Variants in SPATA17 observed in about 807,000 individuals in gnomAD.
SPATA17 encodes spermatogenesis-associated protein 17.
A neutral mutation model predicts 62.2 loss-of-function variants in SPATA17; 53 were observed. The observed-to-expected ratio is 0.85, with a 90% CI of 0.68 to 1.07. The LOEUF (loss-of-function observed/expected upper bound fraction) is 1.07. Among genes scored for constraint, SPATA17 ranks in the 50% least tolerant of loss-of-function variants. The pLI is 0.00. For missense variants in SPATA17, 466 were observed against 425.5 expected (o/e 1.10, Z -0.84); for synonymous variants, 146 against 146.8 (o/e 0.99, Z 0.04).
chr1:217,672,903 T>A (rs1027637495), intron 4 of SPATA17, among the ~76,000 whole-genome samples: 1 of 152,154 alleles, frequency 6.6e-6, no homozygotes, highest in Non-Finnish European at 1.5e-5. Context: ...ATAAGTCTCA[T>A]GCGGCCCAGA....
At chr1:217,654,913 G>T (rs1445359014) in intron 3 of SPATA17, among the ~76,000 whole-genome samples, 1 of 151,824 alleles carries the variant, frequency 6.6e-6, no homozygotes, top group Admixed American at 6.6e-5. Context: ...GGGTTTTGCC[G>T]TGTTAGCCAG....
At chr1:217,804,884 G>T (rs1674396888) in intron 9 of SPATA17, among the ~76,000 whole-genome samples, 1 of 152,040 alleles carries the variant, frequency 6.6e-6, no homozygotes, top group Non-Finnish European at 1.5e-5. Context: ...AAAGACAAAA[G>T]ATAATGTATT....
intron 6 of SPATA17, among the ~76,000 whole-genome samples, chr1:217,773,100 T>A (rs1351088083): frequency 1.3e-5 from 2 of 152,180 alleles, no homozygotes; most frequent in African/African-American, 4.8e-5. Flanking sequence ...GGACGTTGAC[T>A]CCAGCCTGGG....
chr1:217,824,776 T>TG (rs1347418525), intron 9 of SPATA17, among the ~76,000 whole-genome samples: 2 of 151,016 alleles, frequency 1.3e-5, no homozygotes, highest in African/African-American at 4.8e-5. Context: ...TTCATACCTA[T>TG]GTGATTGGTA....
At chr1:217,714,381 C>G (rs1397758806) in intron 5 of SPATA17, among the ~76,000 whole-genome samples, 1 of 151,698 alleles carries the variant, frequency 6.6e-6, no homozygotes, top group Non-Finnish European at 1.5e-5. Context: ...AAGAGTGAAA[C>G]TCCATCTCAG....
In SPATA17 at chr1:217,810,824, AC is replaced by A. The variant is rs371377762; in HGVS notation, c.1005+8975del. Among the ~76,000 whole-genome samples the A allele has an allele frequency of 8.4e-4, 128 of 151,998 alleles. 4 individuals are homozygous for A. The East Asian group carries it at 8.9e-3, about 11-fold the overall frequency. ...AGAGTGCAAGGGGGAACTGCCAAAC[AC>A]TTTTTTAAAACAATCAGATCTCATG... On this transcript the variant is annotated intron_variant, in intron 9 of 10. Transcript: ENST00000366933.
At chr1:217,766,322 C>T (rs1009371355) in intron 6 of SPATA17, among the ~76,000 whole-genome samples, 3 of 151,908 alleles carry the variant, frequency 2.0e-5, no homozygotes, top group Non-Finnish European at 2.9e-5. Flanking sequence ...ATTTCCTCTA[C>T]TTTCTTAGTA....
chr1:217,819,999 C>T (rs1384502305), intron 9 of SPATA17, among the ~76,000 whole-genome samples: 2 of 151,920 alleles, frequency 1.3e-5, no homozygotes, highest in Non-Finnish European at 2.9e-5. Context: ...GGTCATATAT[C>T]GATAAGACTG....
At chr1:217,808,120 A>G (rs1005824370) in intron 9 of SPATA17, among the ~76,000 whole-genome samples, 11 of 152,306 alleles carry the variant, frequency 7.2e-5, no homozygotes, top group Non-Finnish European at 1.5e-4. Flanking sequence ...GCCTTCCAAA[A>G]AGCAGGAAAA....
At chr1:217,654,321 G>A (rs1239858286) in intron 3 of SPATA17, among the ~76,000 whole-genome samples, 1 of 151,306 alleles carries the variant, frequency 6.6e-6, no homozygotes, top group Non-Finnish European at 1.5e-5. Flanking sequence ...TGTGTTTTTG[G>A]TATAGACAGG....
intron 4 of SPATA17, among the ~76,000 whole-genome samples, chr1:217,680,411 C>G (rs551344005): frequency 1.3e-5 from 2 of 152,076 alleles, no homozygotes. Context: ...ATTGATTCTT[C>G]TTTTTCATTA....
intron 5 of SPATA17, among the ~76,000 whole-genome samples, chr1:217,686,263 CT>C (rs1256425788): frequency 9.9e-5 from 15 of 152,060 alleles, no homozygotes; most frequent in African/African-American, 3.4e-4. Flanking sequence ...GACCCAGAGC[CT>C]TTTGGGGAAG....
intron 9 of SPATA17, among the ~76,000 whole-genome samples, chr1:217,849,646 C>A (rs1571842447): frequency 1.3e-5 from 2 of 152,118 alleles, no homozygotes; most frequent in African/African-American, 4.8e-5. Flanking sequence ...AAACCTTTCA[C>A]TTAATTTTCA....
chr1:217,805,113 A>G (rs1674400327), intron 9 of SPATA17, among the ~76,000 whole-genome samples: 2 of 152,226 alleles, frequency 1.3e-5, no homozygotes. Context: ...AAAATCGCCA[A>G]GATATGGAAT....
chr1:217,794,131 A>G (rs974949975), intron 8 of SPATA17, among the ~76,000 whole-genome samples: 12 of 151,144 alleles, frequency 7.9e-5, no homozygotes, highest in South Asian at 4.2e-4. Flanking sequence ...AAAAAAAAAA[A>G]GAAAGAAAGA....
chr1:217,750,516 A>G lies in SPATA17; in HGVS notation c.519+8418A>G, dbSNP rs114686788. On this transcript the variant is annotated intron_variant, in intron 6 of 10. Transcript: ENST00000366933. ...TTAGAGTCACTGCTATTTAGTATCAATTATTAACATAGCATTCTCCAAAAC... is the reference window on the plus strand; with the variant it reads ...TTAGAGTCACTGCTATTTAGTATCAGTTATTAACATAGCATTCTCCAAAAC... Among the ~76,000 whole-genome samples the G allele has an allele frequency of 8.4e-3, 1,284 of 152,314 alleles. 6 individuals are homozygous for G. The highest frequency in any genetic ancestry group is 0.014 in the Admixed American group (207 of 15,300).
intron 3 of SPATA17, among the ~76,000 whole-genome samples, chr1:217,666,052 G>T (rs1413824660): frequency 3.3e-5 from 5 of 151,850 alleles, no homozygotes; most frequent in Non-Finnish European, 5.9e-5. Context: ...AATATTTGGT[G>T]AACATCTAAA....
intron 8 of SPATA17, among the ~76,000 whole-genome samples, chr1:217,797,212 C>T (rs1674170770): frequency 6.6e-6 from 1 of 151,760 alleles, no homozygotes; most frequent in Admixed American, 6.6e-5. Flanking sequence ...AGCCCCTCAG[C>T]CCTCAAAACA....
chr1:217,698,666 G>C (rs1671520925), intron 5 of SPATA17, among the ~76,000 whole-genome samples: 2 of 151,550 alleles, frequency 1.3e-5, no homozygotes, highest in Non-Finnish European at 2.9e-5. Context: ...CCAGGATGTT[G>C]ACCTTGATAC....
Sources: allele counts gnomAD v4.1 joint callset (sites outside exome capture counted in the v4.1 genomes callset), GRCh38; gene constraint gnomAD v4.1.1; transcripts MANE v1.5; gene names NCBI Gene and HGNC (gene_info 2026-07-23, HGNC 2026-07-21).